Variants in PPP2R3C observed in about 807,000 individuals in gnomAD.
The protein encoded by PPP2R3C is protein phosphatase 2 regulatory subunit B''gamma, also known as serine/threonine-protein phosphatase 2A regulatory subunit B'' subunit gamma.
PPP2R3C carries 47 observed loss-of-function variants against 63.7 expected under a neutral mutation model. The ratio of observed to expected loss-of-function variants is 0.74; its 90% CI spans 0.58 to 0.94. The LOEUF (loss-of-function observed/expected upper bound fraction) is 0.94, where lower values mean the gene tolerates loss of function less well. PPP2R3C is among the 40% of genes least tolerant of loss of function. PPP2R3C has a pLI of 0.00. For missense variants in PPP2R3C, 421 were observed against 518.4 expected (o/e 0.81, Z 1.82); for synonymous variants, 180 against 177.4 (o/e 1.01, Z -0.12).
At chr14:35,121,334 G>T (rs994616354) in intron 1 of PPP2R3C, among the ~76,000 whole-genome samples, 1 of 152,020 alleles carries the variant, frequency 6.6e-6, no homozygotes, top group Non-Finnish European at 1.5e-5. Flanking sequence ...CGGAGATGCT[G>T]CCACTGCACT....
intron 6 of PPP2R3C, among the ~76,000 whole-genome samples, chr14:35,104,400 A>G (rs578152049): frequency 3.3e-5 from 5 of 152,320 alleles, no homozygotes; most frequent in African/African-American, 9.6e-5. Flanking sequence ...GAACTATAAC[A>G]AGAAATTTAC....
Position 35,114,478 on chromosome 14 carries a change from C to G in PPP2R3C, c.186+2132G>C, listed in dbSNP as rs987095294. 3.9e-5 allele frequency among the ~76,000 whole-genome samples: 6 copies of G among 152,174 alleles called. No individual in the cohort carries two copies. In the East Asian group the frequency reaches 1.2e-3, roughly 29 times the overall value. The stretch of plus-strand genomic sequence containing the variant: ...TAAATACCTTAATCTGTAAGAACAC[C>G]AGCTAAATCATTGTTTACTATACTT... On this transcript the variant is annotated intron_variant, in intron 2 of 12. Transcript: ENST00000261475.
At chr14:35,119,874 G>A (rs1168769210) in intron 1 of PPP2R3C, among the ~76,000 whole-genome samples, 2 of 113,896 alleles carry the variant, frequency 1.8e-5, no homozygotes, top group South Asian at 2.8e-4. Flanking sequence ...TTTTTGAGAC[G>A]GAGTCTCGCT....
At chr14:35,105,447 C>T (rs1020084298) in intron 6 of PPP2R3C, among the ~76,000 whole-genome samples, 2 of 151,808 alleles carry the variant, frequency 1.3e-5, no homozygotes, top group Admixed American at 1.3e-4. Flanking sequence ...TCCCAAAATG[C>T]TGGGATTATA....
intron 5 of PPP2R3C, chr14:35,107,650 C>A: frequency 5.0e-6 from 2 of 396,484 alleles, no homozygotes; most frequent in Non-Finnish European, 9.0e-6. Flanking sequence ...TAATATTATG[C>A]CTTCAGTGAA....
chr14:35,113,784 C>G (rs899881549), intron 2 of PPP2R3C, among the ~76,000 whole-genome samples: 1 of 152,104 alleles, frequency 6.6e-6, no homozygotes, highest in Admixed American at 6.6e-5. Flanking sequence ...CCAGGTGGCC[C>G]GCTGCTCAAG....
chr14:35,091,170 T>C lies in PPP2R3C; in HGVS notation c.1013A>G (p.Glu338Gly), dbSNP rs1471237386. The change falls in exon 11 of 13, where the codon GAA becomes GGA. Residue 338 changes from glutamate (E) to glycine (G), a missense_variant. Transcript: ENST00000261475. The stretch of plus-strand genomic sequence containing the variant: ...TAGAGCTGCAGGTTCCTTTCTGTTT[T>C]CTAATGCAAGGACAAAGTCCAAGTA... ...KTYLDFVLAL[E>G]NRKEPAALQY... 2.5e-6 allele frequency: 4 copies of C among 1,611,038 alleles called. No individual in the cohort carries two copies. The African/African-American group carries it at 4.0e-5, about 16-fold the overall frequency.
At chr14:35,117,229 C>T in intron 1 of PPP2R3C, 1 of 453,218 alleles carries the variant, frequency 2.2e-6, no homozygotes, top group Non-Finnish European at 4.4e-6. Flanking sequence ...AAGCTCAAAA[C>T]TCAGGGCTCT....
intron 12 of PPP2R3C, 100 bp downstream of exon 12, chr14:35,087,851 C>T (rs1166002208): frequency 1.1e-6 from 1 of 898,480 alleles, no homozygotes; most frequent in Non-Finnish European, 1.8e-6. Context: ...ACACTTGATT[C>T]AAATAGTACT....
At chr14:35,112,593 C>T (rs144100466) in intron 2 of PPP2R3C, among the ~76,000 whole-genome samples, 3 of 152,200 alleles carry the variant, frequency 2.0e-5, no homozygotes, top group Admixed American at 6.5e-5. Context: ...TTCTAAGGCC[C>T]CCCAACCATC....
chr14:35,098,355 T>TTTC (rs992579001), intron 7 of PPP2R3C, among the ~76,000 whole-genome samples: 1 of 146,306 alleles, frequency 6.8e-6, no homozygotes, highest in African/African-American at 2.5e-5. Context: ...AGTTTTTTTT[T>TTTC]TTTTTTTTTT....
chr14:35,099,271 AAAG>A lies in PPP2R3C; in HGVS notation c.684_686del (p.Phe229del), dbSNP rs772361886. ...TTTTACCTGTTCTTAAAGGATCTAA[AAAG>A]AAGAAGAACTTCCTAACTGCTGTAC... On this transcript the variant is annotated inframe_deletion, in exon 7 of 13. Coordinates refer to ENST00000261475, the MANE Select transcript of PPP2R3C (RefSeq NM_017917.4). 122 of 1,590,418 alleles carry A rather than the reference AAAG, an allele frequency of 7.7e-5. No individual in the cohort carries two copies. The highest frequency in any genetic ancestry group is 9.5e-5 in the Non-Finnish European group (112 of 1,173,722).
At chr14:35,096,068 C>T (rs1201158769) in intron 9 of PPP2R3C, among the ~76,000 whole-genome samples, 2 of 152,092 alleles carry the variant, frequency 1.3e-5, no homozygotes, top group African/African-American at 4.8e-5. Flanking sequence ...CTGCTGGGTG[C>T]AGTGCCTCAT....
In PPP2R3C at chr14:35,118,356, A is replaced by G. The variant is rs555828211; in HGVS notation, c.59-1619T>C. 2.6e-5 allele frequency among the ~76,000 whole-genome samples: 4 copies of G among 152,342 alleles called. No individual in the cohort carries two copies. The East Asian group carries it at 7.7e-4, about 29-fold the overall frequency. Reference sequence around the variant, plus strand: ...CAGGAGAAGGGACAACTGCAAGAGTACATCCTTCAGCAGGCAAAAATGGAA... The same window carrying G: ...CAGGAGAAGGGACAACTGCAAGAGTGCATCCTTCAGCAGGCAAAAATGGAA... On this transcript the variant is annotated intron_variant, in intron 1 of 12. Coordinates refer to ENST00000261475, the MANE Select transcript of PPP2R3C (RefSeq NM_017917.4).
At chr14:35,093,054 C>CA (rs201962643) in intron 10 of PPP2R3C, among the ~76,000 whole-genome samples, 26,981 of 150,800 alleles carry the variant, frequency 0.18, 2,540 homozygotes, top group Middle Eastern at 0.26. Flanking sequence ...ACTAAAAATA[C>CA]AAAAAAAAAT....
chr14:35,100,504 G>A (rs2046152288), intron 6 of PPP2R3C: 1 of 152,166 alleles, frequency 6.6e-6, no homozygotes, highest in Non-Finnish European at 1.5e-5. Flanking sequence ...TTAATGTACA[G>A]GGGTGCATCA....
At chr14:35,106,163 T>C (rs969830171) in intron 6 of PPP2R3C, among the ~76,000 whole-genome samples, 11 of 152,064 alleles carry the variant, frequency 7.2e-5, no homozygotes, top group African/African-American at 2.7e-4. Context: ...TACTGTCTCT[T>C]ATTTAAAAAA....
chr14:35,091,283 G>A (rs1406969500), intron 10 of PPP2R3C, 76 bp from the exon 11 acceptor site: 27 of 1,366,176 alleles, frequency 2.0e-5, no homozygotes, highest in Non-Finnish European at 2.4e-5. Context: ...ATGATTTGAA[G>A]CTATTTTGCA....
At chr14:35,118,617 C>T (rs1359316586) in intron 1 of PPP2R3C, among the ~76,000 whole-genome samples, 2 of 146,890 alleles carry the variant, frequency 1.4e-5, no homozygotes, top group Non-Finnish European at 3.0e-5. Flanking sequence ...GTTAAGGGGT[C>T]AAGAAAGCAC....
Sources: allele counts gnomAD v4.1 joint callset (sites outside exome capture counted in the v4.1 genomes callset), GRCh38; gene constraint gnomAD v4.1.1; transcripts MANE v1.5; gene names NCBI Gene and HGNC (gene_info 2026-07-23, HGNC 2026-07-21).